Variants in TRHR observed in about 807,000 individuals in gnomAD.
TRHR encodes the protein thyrotropin releasing hormone receptor.
Under a neutral mutation model 28.0 loss-of-function variants are expected in TRHR, and 14 were observed. That is an observed-to-expected ratio of 0.50 (90% CI 0.33 to 0.78). TRHR has a LOEUF of 0.78. TRHR is among the 30% of genes least tolerant of loss of function. The probability of loss-of-function intolerance (pLI) is 0.02; values close to 1 mark genes in which losing one functional copy is unlikely to be tolerated. For synonymous variants in TRHR, 176 were observed against 171.9 expected (o/e 1.02, Z -0.18); for missense variants, 438 against 469.5 (o/e 0.93, Z 0.62).
chr8:109,108,561 C>T (rs1360344755), intron 2 of TRHR, among the ~76,000 whole-genome samples: 1 of 152,060 alleles, frequency 6.6e-6, no homozygotes, highest in Admixed American at 6.6e-5. Context: ...GGTAACCATA[C>T]CCTAGAGAGC....
At chr8:109,094,764 AATTTCACTAGCAGATAAAAATAAATT>A (rs1247036493) in intron 2 of TRHR, among the ~76,000 whole-genome samples, 1 of 151,886 alleles carries the variant, frequency 6.6e-6, no homozygotes, top group African/African-American at 2.4e-5. Flanking sequence ...ATTGAGCAAT[AATTTCACTAGCAGATAAAAATAAATT>A]ATTCCATATG....
intron 1 of TRHR, 39 bp from the exon 2 acceptor site, chr8:109,087,386 G>T: frequency 2.9e-6 from 3 of 1,017,024 alleles, no homozygotes; most frequent in Non-Finnish European, 4.5e-6. Flanking sequence ...ATCAGAAATT[G>T]TAACACTGTT....
At chr8:109,103,973 T>G (rs1363547830) in intron 2 of TRHR, among the ~76,000 whole-genome samples, 1 of 152,146 alleles carries the variant, frequency 6.6e-6, no homozygotes, top group Non-Finnish European at 1.5e-5. Flanking sequence ...TATGCATTGT[T>G]AGTCAAAAAA....
intron 2 of TRHR, among the ~76,000 whole-genome samples, chr8:109,116,398 T>C (rs1811922115): frequency 6.6e-6 from 1 of 152,120 alleles, no homozygotes; most frequent in South Asian, 2.1e-4. Flanking sequence ...TCCTTGTACC[T>C]TTGGTAGAGT....
chr8:109,104,907 C>T (rs1299873067), intron 2 of TRHR, among the ~76,000 whole-genome samples: 12 of 151,978 alleles, frequency 7.9e-5, no homozygotes, highest in Non-Finnish European at 1.6e-4. Context: ...ATCGCTTGAG[C>T]CCAGGAGTTC....
At chr8:109,118,319 A>G (rs1811950087) in intron 2 of TRHR, among the ~76,000 whole-genome samples, 1 of 151,998 alleles carries the variant, frequency 6.6e-6, no homozygotes, top group Non-Finnish European at 1.5e-5. Flanking sequence ...GTCACTAAAC[A>G]TTCAATAAAC....
At chr8:109,092,424 T>TTATA (rs1490771109) in intron 2 of TRHR, among the ~76,000 whole-genome samples, 10 of 150,216 alleles carry the variant, frequency 6.7e-5, no homozygotes, top group South Asian at 4.2e-4. Context: ...ATTTATTTAT[T>TTATA]TTTATTTTAT....
At chr8:109,110,669 C>A (rs1811818982) in intron 2 of TRHR, among the ~76,000 whole-genome samples, 1 of 152,156 alleles carries the variant, frequency 6.6e-6, no homozygotes, top group Non-Finnish European at 1.5e-5. Context: ...ATAAGTAATG[C>A]ACAACACAGA....
At chr8:109,093,929 T>C (rs922782590) in intron 2 of TRHR, among the ~76,000 whole-genome samples, 1 of 151,272 alleles carries the variant, frequency 6.6e-6, no homozygotes, top group Non-Finnish European at 1.5e-5. Context: ...GGGTATTAGT[T>C]TGCATTTTGA....
intron 2 of TRHR, 109 bp downstream of exon 2, chr8:109,088,410 C>A (rs1489895751): frequency 9.7e-6 from 11 of 1,132,676 alleles, no homozygotes; most frequent in Middle Eastern, 2.8e-4. Flanking sequence ...AAAATACAAT[C>A]ATGCAAATGT....
intron 2 of TRHR, among the ~76,000 whole-genome samples, chr8:109,109,385 C>T (rs1811795407): frequency 6.6e-6 from 1 of 151,646 alleles, no homozygotes; most frequent in Non-Finnish European, 1.5e-5. Flanking sequence ...TTTCTGACAT[C>T]AGTCTTATCC....
At chr8:109,109,892 A>G (rs1811804365) in intron 2 of TRHR, among the ~76,000 whole-genome samples, 1 of 152,160 alleles carries the variant, frequency 6.6e-6, no homozygotes, top group South Asian at 2.1e-4. Context: ...TTGATTTTCC[A>G]CTGGAAGTAC....
intron 2 of TRHR, among the ~76,000 whole-genome samples, chr8:109,094,292 T>C (rs1365365669): frequency 6.6e-6 from 1 of 151,890 alleles, no homozygotes; most frequent in Non-Finnish European, 1.5e-5. Flanking sequence ...TGCTCTGTCA[T>C]GCAGGCTGGT....
chr8:109,088,983 C>G (rs763999456), intron 2 of TRHR, among the ~76,000 whole-genome samples: 5 of 152,030 alleles, frequency 3.3e-5, no homozygotes, highest in Non-Finnish European at 7.4e-5. Context: ...TTTTAAAAAT[C>G]GGTTTTTTCC....
intron 2 of TRHR, among the ~76,000 whole-genome samples, chr8:109,114,695 C>T (rs1469320661): frequency 2.6e-5 from 4 of 152,070 alleles, no homozygotes; most frequent in Admixed American, 2.0e-4. Context: ...CAAGAACAGT[C>T]TTCTCGTCTC....
At chr8:109,093,287 C>T (rs1317256918) in intron 2 of TRHR, among the ~76,000 whole-genome samples, 2 of 151,996 alleles carry the variant, frequency 1.3e-5, no homozygotes, top group Non-Finnish European at 2.9e-5. Flanking sequence ...TTAAGCTCTC[C>T]TCAGTCATAC....
intron 2 of TRHR, among the ~76,000 whole-genome samples, chr8:109,107,790 T>C (rs1169655936): frequency 6.6e-6 from 1 of 152,100 alleles, no homozygotes; most frequent in Non-Finnish European, 1.5e-5. Flanking sequence ...CATATTACAA[T>C]GTGTTTTTAT....
chr8:109,115,133 G>A (rs776310008), intron 2 of TRHR, among the ~76,000 whole-genome samples: 5 of 152,134 alleles, frequency 3.3e-5, no homozygotes, highest in African/African-American at 7.2e-5. Flanking sequence ...GTAGATATGC[G>A]GCGTTATTTC....
chr8:109,101,794 A>G (rs1022216446), intron 2 of TRHR, among the ~76,000 whole-genome samples: 1 of 152,140 alleles, frequency 6.6e-6, no homozygotes, highest in Non-Finnish European at 1.5e-5. Context: ...TAGCTTTGGG[A>G]TTAATTAGTA....
Sources: allele counts gnomAD v4.1 joint callset (sites outside exome capture counted in the v4.1 genomes callset), GRCh38; gene constraint gnomAD v4.1.1; transcripts MANE v1.5; gene names NCBI Gene and HGNC (gene_info 2026-07-23, HGNC 2026-07-21).